Variants in NREP observed in about 807,000 individuals in gnomAD.
The protein encoded by NREP is neuronal regeneration-related protein.
NREP carries 5 observed loss-of-function variants against 8.6 expected under a neutral mutation model. The ratio of observed to expected loss-of-function variants is 0.58; its 90% CI spans 0.30 to 1.22. NREP has a LOEUF of 1.22. NREP is among the 50% of genes most tolerant of loss of function. The pLI, the probability that NREP is intolerant of heterozygous loss-of-function variation, is 0.07. For missense variants in NREP, 86 were observed against 82.5 expected (o/e 1.04, Z -0.17); for synonymous variants, 27 against 28.0 (o/e 0.96, Z 0.11).
intron 2 of NREP, among the ~76,000 whole-genome samples, chr5:111,894,604 G>T (rs893627344): frequency 6.6e-6 from 1 of 152,144 alleles, no homozygotes; most frequent in Non-Finnish European, 1.5e-5. Flanking sequence ...GTGTTGAAAC[G>T]TGATTCTCCA....
chr5:111,883,569 G>A (rs1255402038), intron 2 of NREP, among the ~76,000 whole-genome samples: 2 of 152,054 alleles, frequency 1.3e-5, no homozygotes, highest in Non-Finnish European at 2.9e-5. Context: ...CCACATACTT[G>A]GAAGTAAAGC....
chr5:111,773,737 A>G (rs1027007315), intron 2 of NREP, among the ~76,000 whole-genome samples: 1 of 152,210 alleles, frequency 6.6e-6, no homozygotes, highest in Non-Finnish European at 1.5e-5. Flanking sequence ...TTCTCTGTTC[A>G]AAAATATAAT....
At chr5:111,864,245 TA>T (rs1472281604) in intron 2 of NREP, among the ~76,000 whole-genome samples, 1 of 152,162 alleles carries the variant, frequency 6.6e-6, no homozygotes, top group African/African-American at 2.4e-5. Context: ...AATTAAAATT[TA>T]TAAGATGAAA....
chr5:111,900,184 T>C (rs1754608267), intron 2 of NREP, among the ~76,000 whole-genome samples: 1 of 151,788 alleles, frequency 6.6e-6, no homozygotes, highest in South Asian at 2.1e-4. Context: ...AGCAACATGC[T>C]CATGGGTCAA....
chr5:111,835,466 T>C (rs1752870828), intron 2 of NREP, among the ~76,000 whole-genome samples: 1 of 151,844 alleles, frequency 6.6e-6, no homozygotes, highest in Non-Finnish European at 1.5e-5. Context: ...ATTATAAAGG[T>C]AGGGGCATGA....
intron 2 of NREP, among the ~76,000 whole-genome samples, chr5:111,741,919 C>T (rs188545927): frequency 6.6e-6 from 1 of 151,532 alleles, no homozygotes; most frequent in South Asian, 2.1e-4. Flanking sequence ...GAACACCCAA[C>T]TACTGCACTC....
rs143547271 is a variant in NREP at position 111,833,669 on chromosome 5, A to C, written c.136-98162T>G. 2.2e-3 allele frequency among the ~76,000 whole-genome samples: 331 copies of C among 152,284 alleles called. 1 individual carries two copies. The highest frequency in any genetic ancestry group is 7.0e-3 in the African/African-American group (292 of 41,568). On this transcript the variant is annotated intron_variant, in intron 2 of 3. Coordinates refer to the NREP transcript ENST00000395634. ...TATTGTTTGAAGTTCTGATGGTGGT[A>C]ACCTTAATTAAATGCTATCTAAGAC...
intron 2 of NREP, among the ~76,000 whole-genome samples, chr5:111,811,367 G>A (rs1752265534): frequency 6.6e-6 from 1 of 152,124 alleles, no homozygotes; most frequent in Admixed American, 6.5e-5. Flanking sequence ...ATATTTTTAT[G>A]TGCTTGGTCA....
At chr5:111,957,305 G>A (rs977713534) in intron 2 of NREP, among the ~76,000 whole-genome samples, 2 of 151,554 alleles carry the variant, frequency 1.3e-5, no homozygotes, top group African/African-American at 4.8e-5. Flanking sequence ...TGATAAAATG[G>A]GAAATTTTCT....
chr5:111,861,099 G>A (rs572082372), intron 2 of NREP, among the ~76,000 whole-genome samples: 16 of 152,300 alleles, frequency 1.1e-4, no homozygotes, highest in Non-Finnish European at 1.8e-4. Flanking sequence ...ACAAGCTAGC[G>A]TGCATTCAGA....
intron 2 of NREP, chr5:111,975,246 A>C: frequency 6.7e-7 from 1 of 1,498,600 alleles, no homozygotes. Flanking sequence ...AACAAACACG[A>C]GCAAATCAGG....
At chr5:111,790,524 C>T (rs1225987123) in intron 2 of NREP, among the ~76,000 whole-genome samples, 5 of 151,910 alleles carry the variant, frequency 3.3e-5, no homozygotes, top group African/African-American at 1.2e-4. Context: ...TTTTGAGAGG[C>T]CAAGGTGGAA....
chr5:111,758,550 C>CA (rs1215159689), upstream of NREP, among the ~76,000 whole-genome samples: 1 of 152,142 alleles, frequency 6.6e-6, no homozygotes, highest in African/African-American at 2.4e-5. Flanking sequence ...TCTCAGATGT[C>CA]ACAGGAGAAG....
chr5:111,937,328 C>A (rs990203079), intron 2 of NREP, among the ~76,000 whole-genome samples: 3 of 152,086 alleles, frequency 2.0e-5, no homozygotes, highest in Non-Finnish European at 4.4e-5. Context: ...CAGAATCCTG[C>A]ACGTAGTATT....
chr5:111,816,618 C>T (rs924932681), intron 2 of NREP, among the ~76,000 whole-genome samples: 10 of 150,404 alleles, frequency 6.6e-5, no homozygotes, highest in Admixed American at 2.0e-4. Context: ...TAAGGATATA[C>T]ATAATACCTA....
rs78126700 is a variant in NREP, at chr5:111,773,229, C to T, written c.136-37722G>A. On this transcript the variant is annotated intron_variant, in intron 2 of 3. Coordinates refer to the NREP transcript ENST00000395634. ...CAAAAAAAGGAGAGAAGAAAAGGAA[C>T]TATTATCTGCTCAGCAGTAAACTAT... Among the ~76,000 whole-genome samples the T allele has an allele frequency of 2.0e-5, 3 of 152,024 alleles. No individual in the cohort carries two copies. The East Asian group carries it at 5.8e-4, about 29-fold the overall frequency.
intron 2 of NREP, among the ~76,000 whole-genome samples, chr5:111,812,997 C>T (rs1407601691): frequency 6.6e-6 from 1 of 152,110 alleles, no homozygotes; most frequent in Non-Finnish European, 1.5e-5. Context: ...ACCAGCATAA[C>T]CCAAATGCCA....
At chr5:111,777,019 G>GAGT (rs897315053) in intron 2 of NREP, among the ~76,000 whole-genome samples, 1 of 150,292 alleles carries the variant, frequency 6.7e-6, no homozygotes, top group African/African-American at 2.4e-5. Context: ...GGAGGTGGAG[G>GAGT]AGGAGGAGGA....
At chr5:111,970,503 G>T (rs529354499) in intron 2 of NREP, among the ~76,000 whole-genome samples, 1 of 151,974 alleles carries the variant, frequency 6.6e-6, no homozygotes. Context: ...ACCTCATCAC[G>T]CATTTCCTTG....
Sources: gnomAD v4.1 joint callset for allele counts (sites outside exome capture counted in the v4.1 genomes callset) on GRCh38, gnomAD v4.1.1 for gene constraint, MANE v1.5 for transcripts, NCBI Gene and HGNC (gene_info 2026-07-23, HGNC 2026-07-21) for gene names.